The following XPO4 variants were observed in gnomAD, a reference collection of about 807,000 sequenced individuals.
XPO4 encodes exportin 4, also known as exportin-4.
Under a neutral mutation model 143.0 loss-of-function variants are expected in XPO4, and 39 were observed. The ratio of observed to expected loss-of-function variants is 0.27; its 90% CI spans 0.21 to 0.36. XPO4 has a LOEUF of 0.36. Ranked by LOEUF, XPO4 falls within the 10% of genes least tolerant of loss-of-function variation. The probability of loss-of-function intolerance (pLI) is 1.00; values close to 1 mark genes in which losing one functional copy is unlikely to be tolerated. For synonymous variants in XPO4, 439 were observed against 474.0 expected (o/e 0.93, Z 0.96); for missense variants, 907 against 1,348.0 (o/e 0.67, Z 5.12).
Position 20,786,986 on chromosome 13 carries a change from G to A in XPO4, c.3237C>T (p.Tyr1079=). 1.9e-6 allele frequency: 3 copies of A among 1,559,200 alleles called. No individual in the cohort carries two copies. Among genetic ancestry groups the A allele is most frequent in the Non-Finnish European group, 2.6e-6 (3 of 1,149,950 alleles). ...GTACCTGGTGCAAACACACCAACGTGTAGAAAGCTTCGCCAGCCGCAGTGG... is the reference window on the plus strand; with the variant it reads ...GTACCTGGTGCAAACACACCAACGTATAGAAAGCTTCGCCAGCCGCAGTGG... ...EMTTAAGEAF[Y]TLVCLHQAEY... is the part of the protein sequence containing the mutation. The change falls in exon 22 of 23, where the codon TAC becomes TAT. Residue 1079 remains tyrosine, a synonymous_variant. Coordinates refer to ENST00000255305, the MANE Select transcript of XPO4 (RefSeq NM_022459.5).
chr13:20,885,940 G>C (rs1373452966), intron 1 of XPO4, among the ~76,000 whole-genome samples: 1 of 152,094 alleles, frequency 6.6e-6, no homozygotes, highest in Non-Finnish European at 1.5e-5. Flanking sequence ...AATTATAAAA[G>C]GTTTAACTAC....
At position 20,820,811 on chromosome 13, in the gene XPO4, C is replaced by T. The variant is rs544184831; in HGVS notation, c.1173+893G>A. Among the ~76,000 whole-genome samples, 19 of 152,234 alleles carry T rather than the reference C, an allele frequency of 1.2e-4. No individual in the cohort carries two copies. In the East Asian group the frequency reaches 1.4e-3, roughly 11 times the overall value. Reference sequence around the variant, plus strand: ...TTCTCTGAACACCTCTGAAGGGATACGAAAAAACTCACATACACGTTGGCA... The same window carrying T: ...TTCTCTGAACACCTCTGAAGGGATATGAAAAAACTCACATACACGTTGGCA... On this transcript the variant is annotated intron_variant, in intron 9 of 22. Coordinates refer to ENST00000255305, the MANE Select transcript of XPO4 (RefSeq NM_022459.5).
At chr13:20,789,959 A>G (rs1400594829) in intron 19 of XPO4, among the ~76,000 whole-genome samples, 1 of 152,178 alleles carries the variant, frequency 6.6e-6, no homozygotes, top group African/African-American at 2.4e-5. Context: ...AAACCAAGGC[A>G]TAATGTAGTC....
rs1162426564 is a variant in XPO4, at chr13:20,788,057, G to T, written c.3047+429C>A. ...AGAGGTGACAGTTTTTTGTTTTTTT[G>T]TTTTTTTTTTTTTTTGAGATGGAGT... On this transcript the variant is annotated intron_variant, in intron 20 of 22. Transcript: ENST00000255305. 3.8e-3 allele frequency among the ~76,000 whole-genome samples: 525 copies of T among 137,020 alleles called. 4 individuals carry two copies. Among genetic ancestry groups the T allele is most frequent in the African/African-American group, 0.012 (433 of 37,202 alleles). The allele number at this position is 137,020 out of a possible 152,430, so 89.9% of individuals were successfully genotyped here.
chr13:20,777,937 T>C lies in XPO4; in HGVS notation c.*5785A>G, dbSNP rs1294149806. Reference sequence around the variant, plus strand: ...TTCATTAGTTTCACCAAATATACCATTTCCACTTAGTTTTAAAAGAAAGTC... The same window carrying C: ...TTCATTAGTTTCACCAAATATACCACTTCCACTTAGTTTTAAAAGAAAGTC... On this transcript the variant is annotated 3_prime_UTR_variant, in exon 23 of 23. Coordinates refer to ENST00000255305, the MANE Select transcript of XPO4 (RefSeq NM_022459.5). 1 of 152,186 alleles carries C rather than the reference T, an allele frequency of 6.6e-6. No homozygotes were observed. Among genetic ancestry groups the C allele is most frequent in the African/African-American group, 2.4e-5 (1 of 41,452 alleles). The allele number at this position is 152,186 out of a possible 1,614,324, so 9.4% of individuals were successfully genotyped here.
intron 6 of XPO4, among the ~76,000 whole-genome samples, chr13:20,833,911 G>T (rs1365219459): frequency 6.6e-6 from 1 of 152,154 alleles, no homozygotes; most frequent in African/African-American, 2.4e-5. Context: ...CCGGACCCCA[G>T]CGCCCACTAT....
intron 12 of XPO4, 32 bp from the exon 13 acceptor site, chr13:20,807,666 T>G: frequency 6.7e-7 from 1 of 1,492,496 alleles, no homozygotes; most frequent in Non-Finnish European, 9.0e-7. Flanking sequence ...AAATGAACAC[T>G]TAACAAATCT....
intron 16 of XPO4, among the ~76,000 whole-genome samples, chr13:20,797,918 G>A (rs1339530923): frequency 1.3e-5 from 2 of 152,178 alleles, no homozygotes; most frequent in African/African-American, 2.4e-5. Flanking sequence ...GGAAGGCTGA[G>A]GTGGGCGGAT....
intron 1 of XPO4, among the ~76,000 whole-genome samples, chr13:20,883,647 G>C (rs2060434296): frequency 6.6e-6 from 1 of 152,086 alleles, no homozygotes; most frequent in Non-Finnish European, 1.5e-5. Flanking sequence ...TAAAAACCAA[G>C]AGAGTTTACC....
Position 20,808,616 on chromosome 13 carries a change from CA to C in XPO4, c.1494-36del, listed in dbSNP as rs778322786. 6.1e-6 allele frequency: 9 copies of C among 1,480,968 alleles called. No homozygotes were observed. In the East Asian group the frequency reaches 2.1e-4, roughly 34 times the overall value. 91.7% of individuals were successfully genotyped at this position (1,480,968 alleles called of 1,614,324 possible). On this transcript the variant is annotated intron_variant, in intron 11 of 22. Transcript: ENST00000255305. Reference sequence around the variant, plus strand: ...AAGAAAACAGTAGCTTCATAAAGTTCAATAAGCAAAGACATGGAACAACTTA... The same window carrying C: ...AAGAAAACAGTAGCTTCATAAAGTTCATAAGCAAAGACATGGAACAACTTA...
chr13:20,886,534 C>T (rs964875529), intron 1 of XPO4, among the ~76,000 whole-genome samples: 1 of 151,764 alleles, frequency 6.6e-6, no homozygotes, highest in South Asian at 2.1e-4. Context: ...ATCCCTTGAA[C>T]CCAAGATGCG....
intron 1 of XPO4, among the ~76,000 whole-genome samples, chr13:20,881,082 A>G (rs550433978): frequency 2.4e-4 from 37 of 152,246 alleles, no homozygotes; most frequent in Admixed American, 9.2e-4. Context: ...TCACTTATAT[A>G]AGGTAGTTAA....
At chr13:20,806,788 T>C (rs1390610643) in intron 13 of XPO4, among the ~76,000 whole-genome samples, 1 of 151,962 alleles carries the variant, frequency 6.6e-6, no homozygotes, top group Non-Finnish European at 1.5e-5. Flanking sequence ...CTTGACCTCA[T>C]GATCTGCCCG....
intron 13 of XPO4, among the ~76,000 whole-genome samples, chr13:20,801,363 T>C (rs2059430664): frequency 6.6e-6 from 1 of 152,264 alleles, no homozygotes; most frequent in Non-Finnish European, 1.5e-5. Flanking sequence ...CATGTACTAC[T>C]TAGCATCACT....
intron 6 of XPO4, among the ~76,000 whole-genome samples, chr13:20,828,791 A>G (rs568976053): frequency 1.3e-5 from 2 of 152,308 alleles, no homozygotes; most frequent in South Asian, 4.1e-4. Flanking sequence ...AAGGGGGAAA[A>G]AATCAGCCCG....
At chr13:20,889,794 T>C (rs2060494428) in intron 1 of XPO4, among the ~76,000 whole-genome samples, 1 of 152,216 alleles carries the variant, frequency 6.6e-6, no homozygotes, top group South Asian at 2.1e-4. Flanking sequence ...CTTTGATTTG[T>C]GTGTAAAAAA....
chr13:20,894,415 CTGCATT>C (rs962033853), intron 1 of XPO4, among the ~76,000 whole-genome samples: 5 of 152,190 alleles, frequency 3.3e-5, no homozygotes, highest in Admixed American at 6.5e-5. Flanking sequence ...ATGGAATGCC[CTGCATT>C]TGCATTTATA....
At chr13:20,895,096 T>G (rs1479920051) in intron 1 of XPO4, among the ~76,000 whole-genome samples, 2 of 151,828 alleles carry the variant, frequency 1.3e-5, no homozygotes, top group Non-Finnish European at 2.9e-5. Flanking sequence ...GATAATTGCT[T>G]GAACCCGGGA....
chr13:20,823,569 G>T (rs1366599689), intron 7 of XPO4, among the ~76,000 whole-genome samples: 7 of 144,114 alleles, frequency 4.9e-5, no homozygotes, highest in Non-Finnish European at 3.0e-5. Flanking sequence ...GAATGGTTGT[G>T]TTTTTTTCTT....
Sources: gnomAD v4.1 joint callset for allele counts (sites outside exome capture counted in the v4.1 genomes callset) on GRCh38, gnomAD v4.1.1 for gene constraint, MANE v1.5 for transcripts, NCBI Gene and HGNC (gene_info 2026-07-23, HGNC 2026-07-21) for gene names.